Variants in PTCHD4 observed in about 807,000 individuals in gnomAD.
The protein encoded by PTCHD4 is patched domain-containing protein 4.
A neutral mutation model predicts 58.1 loss-of-function variants in PTCHD4; 33 were observed. The observed-to-expected ratio is 0.57, with a 90% CI of 0.43 to 0.76. The LOEUF is 0.76. Ranked by LOEUF, PTCHD4 falls within the 30% of genes least tolerant of loss-of-function variation. The pLI is 0.00. For missense variants in PTCHD4, 1,058 were observed against 1,027.1 expected (o/e 1.03, Z -0.41); for synonymous variants, 478 against 409.6 (o/e 1.17, Z -2.02).
rs969473103 is a variant in PTCHD4 at position 47,872,377 on chromosome 6, A to G, written c.*5926T>C. On this transcript the variant is annotated 3_prime_UTR_variant, in exon 5 of 5. Coordinates refer to ENST00000339488, the MANE Select transcript of PTCHD4 (RefSeq NM_001384253.1). The stretch of plus-strand genomic sequence containing the variant: ...GCCTTGTGGGCAATGTGCTTACTCT[A>G]CAAACTGTGGCAACAGAGGGAAAGA... 6.6e-6 allele frequency among the ~76,000 whole-genome samples: 1 copy of G among 151,564 alleles called. No homozygotes were observed. Among genetic ancestry groups the G allele is most frequent in the Non-Finnish European group, 1.5e-5 (1 of 67,738 alleles).
At chr6:47,947,850 A>G (rs1414259055) in intron 4 of PTCHD4, among the ~76,000 whole-genome samples, 1 of 152,136 alleles carries the variant, frequency 6.6e-6, no homozygotes, top group East Asian at 1.9e-4. Context: ...TTGTTTTCCA[A>G]TATTATGTTT....
rs1045558456 is a variant in PTCHD4, at chr6:47,859,780, T to G, written c.*18523A>C. On this transcript the variant is annotated 3_prime_UTR_variant, in exon 5 of 5. Transcript: ENST00000339488. The stretch of plus-strand genomic sequence containing the variant: ...CAGGAAAGGCCTCTCTAATGCATAC[T>G]TATTTAATATTTAAGAAGAAACCAA... 2.6e-5 allele frequency among the ~76,000 whole-genome samples: 4 copies of G among 152,052 alleles called. No homozygotes were observed. Among genetic ancestry groups the G allele is most frequent in the Non-Finnish European group, 4.4e-5 (3 of 67,980 alleles).
chr6:48,092,128 A>G (rs1171907248), intron 1 of PTCHD4, among the ~76,000 whole-genome samples: 1 of 152,208 alleles, frequency 6.6e-6, no homozygotes, highest in African/African-American at 2.4e-5. Context: ...TCTACCCTGA[A>G]CAAAAATGAT....
chr6:47,899,496 AG>A, intron 4 of PTCHD4: 1 of 685,052 alleles, frequency 1.5e-6, no homozygotes, highest in Non-Finnish European at 1.8e-6. Flanking sequence ...TCATTTTATT[AG>A]GGACAGAAAA....
intron 4 of PTCHD4, among the ~76,000 whole-genome samples, chr6:47,928,196 G>T (rs958013060): frequency 5.9e-5 from 9 of 151,828 alleles, no homozygotes; most frequent in African/African-American, 2.2e-4. Context: ...TTAAAAAATT[G>T]CTCCTAAGGC....
intron 4 of PTCHD4, among the ~76,000 whole-genome samples, chr6:47,975,372 T>C (rs1471917707): frequency 6.6e-6 from 1 of 152,206 alleles, no homozygotes; most frequent in African/African-American, 2.4e-5. Context: ...GGCATCTGTT[T>C]TCCTAATCTT....
Position 48,068,704 on chromosome 6 carries a change from C to G in PTCHD4, c.6-63G>C. The G allele has an allele frequency of 6.9e-7, 1 of 1,451,240 alleles. No individual in the cohort carries two copies. Among genetic ancestry groups the G allele is most frequent in the Non-Finnish European group, 9.1e-7 (1 of 1,093,698 alleles). The allele number at this position is 1,451,240 out of a possible 1,614,324, so 89.9% of individuals were successfully genotyped here. On this transcript the variant is annotated intron_variant, in intron 2 of 4. Transcript: ENST00000339488. The surrounding 1 kb of genome is among the most constrained non-coding windows in gnomAD (Gnocchi z 4.2). ...ACCCCGTTCTCCCCCATCCCACCCC[C>G]TGGGGCCAGTCCCCCCTCCCCACCG...
At chr6:48,014,526 G>A (rs193140488) in intron 3 of PTCHD4, among the ~76,000 whole-genome samples, 1 of 151,984 alleles carries the variant, frequency 6.6e-6, no homozygotes, top group African/African-American at 2.4e-5. Context: ...TTAGTTCATG[G>A]CTAATTCATT....
intron 3 of PTCHD4, among the ~76,000 whole-genome samples, chr6:48,014,290 T>G (rs1762792643): frequency 6.6e-6 from 1 of 152,178 alleles, no homozygotes. Flanking sequence ...GGGAAAATTA[T>G]ACTATTTTGT....
intron 4 of PTCHD4, among the ~76,000 whole-genome samples, chr6:47,956,513 A>G (rs1766866858): frequency 6.6e-6 from 1 of 151,774 alleles, no homozygotes; most frequent in Admixed American, 6.6e-5. Context: ...GGCTTACTGC[A>G]AGCTCCACCT....
intron 3 of PTCHD4, among the ~76,000 whole-genome samples, chr6:48,050,527 A>C (rs368624360): frequency 1.3e-5 from 2 of 152,056 alleles, no homozygotes; most frequent in East Asian, 3.9e-4. Context: ...GGACTTTAAC[A>C]AGTTACTTAA....
rs1763355446 is a variant in PTCHD4, at chr6:47,858,751, A to G, written c.*19552T>C. On this transcript the variant is annotated 3_prime_UTR_variant, in exon 5 of 5. Coordinates refer to ENST00000339488, the MANE Select transcript of PTCHD4 (RefSeq NM_001384253.1). The stretch of plus-strand genomic sequence containing the variant: ...TAAACCTGCTGATGTTAAGAAAACT[A>G]AAACAAGTTCCATACAAATGAAAAT... Among the ~76,000 whole-genome samples, 1 of 152,060 alleles carries G rather than the reference A, an allele frequency of 6.6e-6. No homozygotes were observed. Among genetic ancestry groups the G allele is most frequent in the African/African-American group, 2.4e-5 (1 of 41,448 alleles).
chr6:47,864,564 C>T lies in PTCHD4; in HGVS notation c.*13739G>A, dbSNP rs1037313996. Reference sequence around the variant, plus strand: ...ACCCAAAGGGCATCGCATAAAGCTACGTGGATGATCAAGCTGCTGTGTGGC... The same window carrying T: ...ACCCAAAGGGCATCGCATAAAGCTATGTGGATGATCAAGCTGCTGTGTGGC... On this transcript the variant is annotated 3_prime_UTR_variant, in exon 5 of 5. Transcript: ENST00000339488. Among the ~76,000 whole-genome samples the T allele has an allele frequency of 3.3e-5, 5 of 151,888 alleles. No individual in the cohort carries two copies. The highest frequency in any genetic ancestry group is 5.9e-5 in the Non-Finnish European group (4 of 67,888).
intron 3 of PTCHD4, among the ~76,000 whole-genome samples, chr6:48,045,020 G>A (rs1174208948): frequency 6.6e-6 from 1 of 151,724 alleles, no homozygotes; most frequent in Admixed American, 6.6e-5. Flanking sequence ...AAATACAACT[G>A]CCACCTATGC....
At chr6:47,992,560 A>G (rs1324301454) in intron 4 of PTCHD4, among the ~76,000 whole-genome samples, 1 of 152,218 alleles carries the variant, frequency 6.6e-6, no homozygotes, top group Non-Finnish European at 1.5e-5. Flanking sequence ...GGTTTTATAC[A>G]GTTTCTGCAC....
At chr6:47,989,528 C>T (rs541631415) in intron 4 of PTCHD4, among the ~76,000 whole-genome samples, 12 of 152,270 alleles carry the variant, frequency 7.9e-5, no homozygotes, top group Middle Eastern at 3.4e-3. Context: ...AGTCTAGGTA[C>T]TTGGTTCCCT....
intron 4 of PTCHD4, among the ~76,000 whole-genome samples, chr6:47,959,403 A>G (rs1362651463): frequency 6.6e-6 from 1 of 152,230 alleles, no homozygotes; most frequent in Non-Finnish European, 1.5e-5. Context: ...AAAATGCTTA[A>G]AAAGGAACCC....
chr6:48,054,704 A>C (rs898722752), intron 3 of PTCHD4, among the ~76,000 whole-genome samples: 3 of 152,212 alleles, frequency 2.0e-5, no homozygotes, highest in African/African-American at 7.2e-5. Context: ...AAATATGCTT[A>C]TGATAAAAAA....
Position 47,879,839 on chromosome 6 carries a change from A to G in PTCHD4, c.996T>C (p.Asp332=), listed in dbSNP as rs1763967047. 2 of 1,612,246 alleles carry G rather than the reference A, an allele frequency of 1.2e-6. No homozygotes were observed. Among genetic ancestry groups the G allele is most frequent in the Admixed American group, 1.7e-5 (1 of 59,716 alleles). ...FKDRIADAYS[D]VMVTYTMTSS... ...TGGTCATGGTATAGGTGACCATCAC[A>G]TCAGAATAGGCATCTGCTATCCTGT... is the stretch of plus-strand genomic sequence containing the variant. The change falls in exon 5 of 5, where the codon GAT becomes GAC. Residue 332 remains aspartate, a synonymous_variant. Coordinates refer to ENST00000339488, the MANE Select transcript of PTCHD4 (RefSeq NM_001384253.1).
Sources: gnomAD v4.1 joint callset for allele counts (sites outside exome capture counted in the v4.1 genomes callset) on GRCh38, gnomAD v4.1.1 for gene constraint, Gnocchi (gnomAD v3.1) non-coding constraint, MANE v1.5 for transcripts, NCBI Gene and HGNC (gene_info 2026-07-23, HGNC 2026-07-21) for gene names.